The following HOOK1 variants were observed in gnomAD, a reference collection of about 807,000 sequenced individuals.
HOOK1 encodes the protein hook microtubule tethering protein 1.
A neutral mutation model predicts 112.8 loss-of-function variants in HOOK1; 60 were observed. That is an observed-to-expected ratio of 0.53 (90% CI 0.43 to 0.66). The LOEUF (loss-of-function observed/expected upper bound fraction) is 0.66, where lower values mean the gene tolerates loss of function less well. Ranked by LOEUF, HOOK1 falls within the 30% of genes least tolerant of loss-of-function variation. The pLI, the probability that HOOK1 is intolerant of heterozygous loss-of-function variation, is 0.00. For synonymous variants in HOOK1, 294 were observed against 283.8 expected (o/e 1.04, Z -0.36); for missense variants, 770 against 856.0 (o/e 0.90, Z 1.25).
intron 17 of HOOK1, 100 bp from the exon 18 acceptor site, chr1:59,865,063 C>T: frequency 2.7e-6 from 2 of 735,740 alleles, no homozygotes; most frequent in Admixed American, 4.2e-5. Context: ...ATAGTATTCC[C>T]ATTTCACAGA....
chr1:59,838,330 A>G (rs114218525), intron 7 of HOOK1, among the ~76,000 whole-genome samples: 3,488 of 152,122 alleles, frequency 0.023, 55 homozygotes, highest in Non-Finnish European at 0.036. Context: ...AAGCGTTCCT[A>G]TTTTTCCACA....
chr1:59,825,363 C>A (rs890143385), intron 2 of HOOK1, among the ~76,000 whole-genome samples: 1 of 152,100 alleles, frequency 6.6e-6, no homozygotes, highest in African/African-American at 2.4e-5. Flanking sequence ...TTGTCTTTGA[C>A]TAAACTTTTT....
chr1:59,860,102 G>A (rs2098412754), intron 14 of HOOK1, 86 bp from the exon 15 acceptor site: 2 of 997,270 alleles, frequency 2.0e-6, no homozygotes, highest in South Asian at 4.3e-5. Flanking sequence ...TAGCTATTGA[G>A]TGGACAGGAA....
chr1:59,867,139 G>T (rs1398068152), intron 19 of HOOK1, among the ~76,000 whole-genome samples: 1 of 152,096 alleles, frequency 6.6e-6, no homozygotes, highest in Non-Finnish European at 1.5e-5. Context: ...CTTATTTGGG[G>T]CAAGAGGTTT....
intron 19 of HOOK1, 140 bp downstream of exon 19, chr1:59,866,112 C>T (rs1451819236): frequency 1.0e-5 from 6 of 594,436 alleles, no homozygotes; most frequent in African/African-American, 2.0e-5. Context: ...GTCAGGTTTC[C>T]GTAGTATTTC....
Position 59,876,275 on chromosome 1 carries a change from TG to T in HOOK1, c.*3311del, listed in dbSNP as rs1364421488. ...ATAAAACCAATATTTGATTTATTTT[TG>T]TAAGTATTTAGGATATTATTTTAAA... On this transcript the variant is annotated 3_prime_UTR_variant, in exon 22 of 22. Transcript: ENST00000371208. 6.6e-6 allele frequency: 1 copy of T among 152,658 alleles called. No individual in the cohort carries two copies. The highest frequency in any genetic ancestry group is 1.5e-5 in the Non-Finnish European group (1 of 68,044). The allele number at this position is 152,658 out of a possible 1,614,324, so 9.5% of individuals were successfully genotyped here.
rs1644093112 is a variant in HOOK1 at position 59,873,744 on chromosome 1, T to TATATATATATATATATATATAC, written c.*780_*801dup. On this transcript the variant is annotated 3_prime_UTR_variant, in exon 22 of 22. Transcript: ENST00000371208. ...AGCAAGCTATATATATATATATATA[T>TATATATATATATATATATATAC]ATATATATATATATATATATACTTT... 1 of 143,008 alleles carries TATATATATATATATATATATAC rather than the reference T, an allele frequency of 7.0e-6. No individual in the cohort carries two copies. Among genetic ancestry groups the TATATATATATATATATATATAC allele is most frequent in the Admixed American group, 7.0e-5 (1 of 14,340 alleles). 8.9% of individuals were successfully genotyped at this position (143,008 alleles called of 1,614,324 possible).
chr1:59,864,752 C>G (rs1330408462), intron 17 of HOOK1, 86 bp downstream of exon 17: 2 of 861,878 alleles, frequency 2.3e-6, no homozygotes, highest in Non-Finnish European at 3.7e-6. Flanking sequence ...CGGATTTTGT[C>G]TAGAAAAGCA....
intron 3 of HOOK1, among the ~76,000 whole-genome samples, chr1:59,829,698 T>G (rs2098392423): frequency 6.6e-6 from 1 of 152,102 alleles, no homozygotes; most frequent in Non-Finnish European, 1.5e-5. Context: ...TTTTCAATTT[T>G]ACTTATTTAT....
At chr1:59,853,259 G>A (rs1004006764) in intron 12 of HOOK1, among the ~76,000 whole-genome samples, 3 of 151,580 alleles carry the variant, frequency 2.0e-5, no homozygotes, top group South Asian at 2.1e-4. Flanking sequence ...CTTTAATTCC[G>A]TCAGTTTTTA....
At chr1:59,870,912 A>G (rs560650403) in intron 20 of HOOK1, 130 bp from the exon 21 acceptor site, 14 of 633,122 alleles carry the variant, frequency 2.2e-5, no homozygotes, top group Non-Finnish European at 3.4e-5. Context: ...TTTACATTTG[A>G]CTACATTGTG....
chr1:59,827,369 G>C (rs2098390767), intron 2 of HOOK1, among the ~76,000 whole-genome samples: 1 of 152,148 alleles, frequency 6.6e-6, no homozygotes, highest in African/African-American at 2.4e-5. Context: ...CAAATATCTG[G>C]TTACTGTGGC....
In HOOK1 at chr1:59,862,762, C is replaced by T. The variant is rs1465242905; in HGVS notation, c.1533-22C>T. 5.5e-6 allele frequency: 8 copies of T among 1,460,690 alleles called. No homozygotes were observed. In the Middle Eastern group the frequency reaches 5.2e-4, roughly 96 times the overall value. 90.5% of individuals were successfully genotyped at this position (1,460,690 alleles called of 1,614,324 possible). A position where few individuals can be genotyped will look rare whatever the true frequency, so the allele number is the denominator to read the frequency against. ...CTTTGACTTTCAATACAAGTAAATG[C>T]TTATGACCCATCTTACAATAGGCTG... On this transcript the variant is annotated intron_variant, in intron 15 of 21. Transcript: ENST00000371208.
intron 9 of HOOK1, among the ~76,000 whole-genome samples, chr1:59,845,832 G>A (rs1234188374): frequency 6.6e-6 from 1 of 151,740 alleles, no homozygotes; most frequent in African/African-American, 2.4e-5. Context: ...TTTGTCTCTT[G>A]TAATGTCTTG....
At chr1:59,863,723 TAAAGAGATGAAAAGGAAAATTG>T in intron 16 of HOOK1, 2 of 293,284 alleles carry the variant, frequency 6.8e-6, no homozygotes, top group Non-Finnish European at 1.0e-5. Flanking sequence ...CTTTGCAGAG[TAAAGAGATGAAAAGGAAAATTG>T]AAAGAGTTGC....
chr1:59,841,456 T>C (rs1017003212), intron 8 of HOOK1, among the ~76,000 whole-genome samples: 3 of 152,152 alleles, frequency 2.0e-5, no homozygotes, highest in African/African-American at 7.2e-5. Flanking sequence ...ACTAGTCACT[T>C]AGGGCAGTGG....
intron 2 of HOOK1, among the ~76,000 whole-genome samples, chr1:59,826,310 ATGTAGAGGT>A (rs1027445351): frequency 2.0e-5 from 3 of 151,988 alleles, no homozygotes; most frequent in Admixed American, 6.6e-5. Context: ...ACTCTAAGGC[ATGTAGAGGT>A]TGTAGAGGTT....
At chr1:59,840,769 A>G (rs958966703) in intron 8 of HOOK1, among the ~76,000 whole-genome samples, 6 of 152,122 alleles carry the variant, frequency 3.9e-5, no homozygotes, top group Non-Finnish European at 7.4e-5. Flanking sequence ...CTTCCCCCCC[A>G]GTAAATTCAA....
chr1:59,827,153 A>T (rs1447640043), intron 2 of HOOK1, among the ~76,000 whole-genome samples: 2 of 152,172 alleles, frequency 1.3e-5, no homozygotes, highest in African/African-American at 4.8e-5. Flanking sequence ...CTAGAGACTC[A>T]AAGGGCAGCT....
Sources: allele counts gnomAD v4.1 joint callset (sites outside exome capture counted in the v4.1 genomes callset), GRCh38; gene constraint gnomAD v4.1.1; transcripts MANE v1.5; gene names NCBI Gene and HGNC (gene_info 2026-07-23, HGNC 2026-07-21).